COL10A1: variants seen among roughly 807,000 people sequenced by gnomAD.
COL10A1 encodes collagen alpha-1(X) chain.
A neutral mutation model predicts 18.2 loss-of-function variants in COL10A1; 10 were observed. That is an observed-to-expected ratio of 0.55 (90% confidence interval 0.34 to 0.93). The LOEUF (loss-of-function observed/expected upper bound fraction) is 0.93. Among genes scored for constraint, COL10A1 ranks in the 40% least tolerant of loss-of-function variants. COL10A1 has a pLI of 0.02. For missense variants in COL10A1, 897 were observed against 853.5 expected, an observed-to-expected ratio of 1.05 and a Z score of -0.64; for synonymous variants, 330 against 316.6, an observed-to-expected ratio of 1.04 and a Z score of -0.45.
At chr6:116,141,908 A>G (rs2114367503) in intron 1 of COL10A1, among the ~76,000 whole-genome samples, 1 of 151,554 alleles carries the variant, frequency 6.6e-6, no homozygotes, top group Non-Finnish European at 1.5e-5. Flanking sequence ...ACACACACAC[A>G]CACACACACA....
the COL10A1 span, among the ~76,000 whole-genome samples, chr6:116,202,240 G>A: frequency 1.3e-5 from 2 of 151,932 alleles, no homozygotes; most frequent in African/African-American, 4.8e-5. Context: ...CACACACTTG[G>A]CTATTCTTTT....
the COL10A1 span, among the ~76,000 whole-genome samples, chr6:116,215,624 CCT>C: frequency 6.6e-6 from 1 of 152,128 alleles, no homozygotes; most frequent in African/African-American, 2.4e-5. Context: ...CCTTCAAAAA[CCT>C]CTCTCCACAT....
At chr6:116,205,926 G>A in the COL10A1 span, among the ~76,000 whole-genome samples, 1 of 151,890 alleles carries the variant, frequency 6.6e-6, no homozygotes, top group Non-Finnish European at 1.5e-5. Flanking sequence ...TCTGCACAAT[G>A]AGATTAGGTT....
At chr6:116,205,077 C>G in the COL10A1 span, among the ~76,000 whole-genome samples, 13 of 151,874 alleles carry the variant, frequency 8.6e-5, no homozygotes, top group Non-Finnish European at 1.9e-4. Flanking sequence ...CAGAAGTGTC[C>G]AAGCAAATAA....
chr6:116,189,805 A>G, the COL10A1 span, among the ~76,000 whole-genome samples: 1 of 152,052 alleles, frequency 6.6e-6, no homozygotes, highest in Non-Finnish European at 1.5e-5. Flanking sequence ...CTAGAAAAGA[A>G]TGAAGTAATG....
chr6:116,151,650 G>T (rs1780042013), intron 1 of COL10A1, among the ~76,000 whole-genome samples: 1 of 151,880 alleles, frequency 6.6e-6, no homozygotes, highest in Non-Finnish European at 1.5e-5. Context: ...TTGGATTTAG[G>T]GTTACATTTA....
At chr6:116,210,046 A>G in the COL10A1 span, among the ~76,000 whole-genome samples, 2 of 152,160 alleles carry the variant, frequency 1.3e-5, no homozygotes, top group South Asian at 2.1e-4. Flanking sequence ...TGTGGTGGCT[A>G]CTTAATCATC....
intron 1 of COL10A1, among the ~76,000 whole-genome samples, chr6:116,141,562 T>C (rs187776458): frequency 6.6e-6 from 1 of 152,182 alleles, no homozygotes; most frequent in East Asian, 1.9e-4. Context: ...AGAGAATGTT[T>C]CATTAATTTT....
At chr6:116,167,041 G>A in the COL10A1 span, among the ~76,000 whole-genome samples, 1 of 151,736 alleles carries the variant, frequency 6.6e-6, no homozygotes, top group Non-Finnish European at 1.5e-5. Context: ...ATAAATTTTT[G>A]CCCCCAAGAA....
intron 1 of COL10A1, among the ~76,000 whole-genome samples, chr6:116,153,235 G>C (rs1233015989): frequency 1.3e-5 from 2 of 151,906 alleles, no homozygotes; most frequent in Admixed American, 1.3e-4. Flanking sequence ...AACCTTGTCT[G>C]ATTTTAGCTC....
the COL10A1 span, among the ~76,000 whole-genome samples, chr6:116,180,084 T>A: frequency 6.6e-6 from 1 of 152,090 alleles, no homozygotes; most frequent in Non-Finnish European, 1.5e-5. Context: ...ATGATCTAAT[T>A]GAGAGGAATT....
chr6:116,120,722 G>C lies in COL10A1; in HGVS notation c.1394C>G (p.Ser465Cys), dbSNP rs777567387. 6.3e-7 allele frequency: 1 copy of C among 1,584,190 alleles called. No homozygotes were observed. The highest frequency in any genetic ancestry group is 1.4e-5 in the African/African-American group (1 of 73,428). Residue 465 changes from serine to cysteine, a missense_variant, in exon 3 of 3, where the codon TCT becomes TGT. Coordinates refer to ENST00000651968, the MANE Select transcript of COL10A1 (RefSeq NM_000493.4). ...GPPGIPGFPGSKGDPGSPGPP... is the reference protein window; with the variant it reads ...GPPGIPGFPGCKGDPGSPGPP... ...ACCGGGACTTCCTGGATCCCCTTTA[G>C]ACCCAGGGAATCCTGGAATGCCTGG...
the COL10A1 span, among the ~76,000 whole-genome samples, chr6:116,208,866 G>A: frequency 6.6e-6 from 1 of 151,986 alleles, no homozygotes; most frequent in Admixed American, 6.6e-5. Context: ...CCCATCATCT[G>A]GCTCATAGAA....
At chr6:116,122,026 T>C (rs1248179720) in intron 2 of COL10A1, 65 bp from the exon 3 acceptor site, 4 of 1,379,516 alleles carry the variant, frequency 2.9e-6, no homozygotes, top group Non-Finnish European at 4.1e-6. Flanking sequence ...AAGAGAATCA[T>C]TGCCTTTCAA....
chr6:116,129,716 A>C (rs1200950061), upstream of COL10A1, among the ~76,000 whole-genome samples: 1 of 152,208 alleles, frequency 6.6e-6, no homozygotes, highest in African/African-American at 2.4e-5. Flanking sequence ...ATTCTGTTAT[A>C]GTAGTGTAAA....
the COL10A1 span, among the ~76,000 whole-genome samples, chr6:116,171,204 C>A: frequency 6.6e-6 from 1 of 151,992 alleles, no homozygotes; most frequent in Admixed American, 6.6e-5. Flanking sequence ...GTCACCACTA[C>A]CTTTTACATA....
rs59639341 is a variant in COL10A1 at position 116,155,890 on chromosome 6, T to TAGATAGGTA, written c.-16+2723_-16+2724insTACCTATCT. On this transcript the variant is annotated intron_variant, in intron 1 of 1. Coordinates refer to the COL10A1 transcript ENST00000418500. ...TCTTTTATATAAATGGAAGTGGAGG[T>TAGATAGGTA]AGTGTTTATACAAAAAAACAATGGG... 4.9e-3 allele frequency among the ~76,000 whole-genome samples: 738 copies of TAGATAGGTA among 151,960 alleles called. 11 individuals are homozygous for TAGATAGGTA. Among genetic ancestry groups the TAGATAGGTA allele is most frequent in the South Asian group, 0.043 (207 of 4,808 alleles).
chr6:116,152,057 C>T (rs1386671403), intron 1 of COL10A1, among the ~76,000 whole-genome samples: 4 of 152,154 alleles, frequency 2.6e-5, no homozygotes, highest in South Asian at 2.1e-4. Context: ...TACATTCTTC[C>T]TTACAAAGCA....
the COL10A1 span, among the ~76,000 whole-genome samples, chr6:116,196,824 C>T: frequency 4.5e-4 from 68 of 152,012 alleles, 2 homozygotes; most frequent in South Asian, 0.014. Flanking sequence ...TTAACACTCA[C>T]ATAGTGCTTA....
Sources: allele counts gnomAD v4.1 joint callset (sites outside exome capture counted in the v4.1 genomes callset), GRCh38; gene constraint gnomAD v4.1.1; transcripts MANE v1.5; gene names NCBI Gene and HGNC (gene_info 2026-07-23, HGNC 2026-07-21).